TGFBR2: variants seen among roughly 807,000 people sequenced by gnomAD.
The protein encoded by TGFBR2 is TGF-beta receptor type-2.
TGFBR2 carries 18 observed loss-of-function variants against 49.0 expected under a neutral mutation model. That is an observed-to-expected ratio of 0.37 (90% CI 0.25 to 0.54). The LOEUF (loss-of-function observed/expected upper bound fraction) is 0.54. TGFBR2 is among the 20% of genes least tolerant of loss of function. TGFBR2 has a pLI of 0.85. For synonymous variants in TGFBR2, 282 were observed against 275.9 expected, an observed-to-expected ratio of 1.02 and a Z score of -0.22; for missense variants, 525 against 722.6, an observed-to-expected ratio of 0.73 and a Z score of 3.13.
At chr3:30,668,906 A>G (rs772879407) in intron 3 of TGFBR2, among the ~76,000 whole-genome samples, 2 of 152,072 alleles carry the variant, frequency 1.3e-5, no homozygotes, top group Non-Finnish European at 2.9e-5. Flanking sequence ...TACCTTAAGA[A>G]CAAGTAATCA....
intron 2 of TGFBR2, 132 bp downstream of exon 2, chr3:30,645,047 A>C: frequency 1.2e-6 from 1 of 850,150 alleles, no homozygotes; most frequent in Non-Finnish European, 1.9e-6. Flanking sequence ...CCTTTAGACC[A>C]TCTCTCTTTC....
intron 1 of TGFBR2, among the ~76,000 whole-genome samples, chr3:30,613,371 C>G (rs1404619513): frequency 6.6e-6 from 1 of 152,054 alleles, no homozygotes; most frequent in Non-Finnish European, 1.5e-5. Context: ...TATGTGGGAA[C>G]CCACATTCGC....
intron 3 of TGFBR2, among the ~76,000 whole-genome samples, chr3:30,657,897 A>T (rs1262731180): frequency 5.3e-5 from 8 of 152,174 alleles, no homozygotes; most frequent in Non-Finnish European, 7.3e-5. Flanking sequence ...AAGCCAGGAG[A>T]CATTTATTTT....
intron 1 of TGFBR2, among the ~76,000 whole-genome samples, chr3:30,641,529 T>A (rs1248131817): frequency 6.6e-6 from 1 of 152,016 alleles, no homozygotes; most frequent in Admixed American, 6.6e-5. Flanking sequence ...TGAAAAAAAA[T>A]TCTGGTTAAG....
intron 1 of TGFBR2, among the ~76,000 whole-genome samples, chr3:30,638,060 C>T (rs187882425): frequency 6.6e-6 from 1 of 152,260 alleles, no homozygotes; most frequent in Non-Finnish European, 1.5e-5. Flanking sequence ...TTTTAATCTG[C>T]ATTTCACTTG....
chr3:30,609,207 A>T (rs1697988778), intron 1 of TGFBR2, among the ~76,000 whole-genome samples: 2 of 152,244 alleles, frequency 1.3e-5, no homozygotes, highest in African/African-American at 4.8e-5. Context: ...ATTTGATTCA[A>T]ATTAAATTTT....
chr3:30,659,716 C>T (rs957488535), intron 3 of TGFBR2, among the ~76,000 whole-genome samples: 11 of 151,208 alleles, frequency 7.3e-5, no homozygotes, highest in African/African-American at 2.4e-4. Context: ...AGAAAGCAGT[C>T]GGACCCATAC....
At chr3:30,682,057 G>T (rs1438872752) in intron 5 of TGFBR2, among the ~76,000 whole-genome samples, 1 of 152,182 alleles carries the variant, frequency 6.6e-6, no homozygotes, top group Non-Finnish European at 1.5e-5. Context: ...CCATCAGTTT[G>T]CTGGAGGGCT....
chr3:30,608,412 T>G (rs1000540768), intron 1 of TGFBR2, among the ~76,000 whole-genome samples: 3 of 152,124 alleles, frequency 2.0e-5, no homozygotes, highest in Non-Finnish European at 4.4e-5. Flanking sequence ...ACATCTTACG[T>G]ATCGTGCCCC....
intron 3 of TGFBR2, among the ~76,000 whole-genome samples, chr3:30,663,184 C>CTGTG (rs139503158): frequency 2.0e-5 from 3 of 151,262 alleles, no homozygotes; most frequent in East Asian, 2.0e-4. Context: ...CACTCTCTTT[C>CTGTG]TGTGTGTGTG....
At chr3:30,618,102 A>G (rs1480055740) in intron 1 of TGFBR2, among the ~76,000 whole-genome samples, 1 of 152,168 alleles carries the variant, frequency 6.6e-6, no homozygotes, top group Non-Finnish European at 1.5e-5. Context: ...TAGCAAGTCA[A>G]CTAAATGAGT....
At chr3:30,612,066 A>C (rs1210483309) in intron 1 of TGFBR2, among the ~76,000 whole-genome samples, 1 of 152,294 alleles carries the variant, frequency 6.6e-6, no homozygotes, top group East Asian at 1.9e-4. Context: ...TGACTGAGGC[A>C]AGATAATGAC....
chr3:30,631,731 C>A (rs994844784), intron 1 of TGFBR2, among the ~76,000 whole-genome samples: 4 of 143,500 alleles, frequency 2.8e-5, no homozygotes, highest in Middle Eastern at 4.2e-3. Context: ...ATGTGTCTTT[C>A]TGTCCTTTTT....
chr3:30,675,018 T>C (rs1240716773), intron 5 of TGFBR2, among the ~76,000 whole-genome samples: 1 of 152,136 alleles, frequency 6.6e-6, no homozygotes, highest in Non-Finnish European at 1.5e-5. Flanking sequence ...AGACTGTAGA[T>C]AGAATGGGCA....
At chr3:30,639,504 T>C (rs1308691619) in intron 1 of TGFBR2, among the ~76,000 whole-genome samples, 1 of 152,204 alleles carries the variant, frequency 6.6e-6, no homozygotes, top group African/African-American at 2.4e-5. Context: ...GCCCTATAAA[T>C]TTCAGACTTG....
At chr3:30,610,736 C>A (rs1043821918) in intron 1 of TGFBR2, among the ~76,000 whole-genome samples, 19 of 152,144 alleles carry the variant, frequency 1.2e-4, no homozygotes, top group Admixed American at 3.3e-4. Context: ...TAACATGGTG[C>A]CTGCAACATA....
chr3:30,691,328 G>T, intron 6 of TGFBR2, 92 bp from the exon 7 acceptor site: 1 of 1,418,320 alleles, frequency 7.1e-7, no homozygotes, highest in Non-Finnish European at 9.8e-7. Flanking sequence ...GACCCTGCTT[G>T]CACTCACTAT....
intron 1 of TGFBR2, among the ~76,000 whole-genome samples, chr3:30,629,373 T>C (rs1333045727): frequency 6.6e-6 from 1 of 152,236 alleles, no homozygotes; most frequent in African/African-American, 2.4e-5. Context: ...CCCTCCACTT[T>C]CATGAACCAG....
Position 30,631,428 on chromosome 3 carries a change from T to C in TGFBR2, c.95-13319T>C, listed in dbSNP as rs1328720162. Among the ~76,000 whole-genome samples, 4 of 151,974 alleles carry C rather than the reference T, an allele frequency of 2.6e-5. No individual in the cohort carries two copies. The East Asian group carries it at 7.7e-4, about 29-fold the overall frequency. ...AGACCTTTATGATGTTTACTGCAAA[T>C]TGCATCAAGGTCATGACAGCAATGA... On this transcript the variant is annotated intron_variant, in intron 1 of 6. Coordinates refer to ENST00000295754, the MANE Select transcript of TGFBR2 (RefSeq NM_003242.6).
Sources: gnomAD v4.1 joint callset for allele counts (sites outside exome capture counted in the v4.1 genomes callset) on GRCh38, gnomAD v4.1.1 for gene constraint, MANE v1.5 for transcripts, NCBI Gene and HGNC (gene_info 2026-07-23, HGNC 2026-07-21) for gene names.